The following KCNB2 variants were observed in gnomAD, a reference collection of about 807,000 sequenced individuals.
The protein encoded by KCNB2 is delayed rectifier potassium channel protein.
A neutral mutation model predicts 61.5 loss-of-function variants in KCNB2; 15 were observed. The ratio of observed to expected loss-of-function variants is 0.24; its 90% CI spans 0.16 to 0.38. The LOEUF (loss-of-function observed/expected upper bound fraction) is 0.38, where lower values mean the gene tolerates loss of function less well. Ranked by LOEUF, KCNB2 falls within the 10% of genes least tolerant of loss-of-function variation. The probability of loss-of-function intolerance (pLI) is 1.00; values close to 1 mark genes in which losing one functional copy is unlikely to be tolerated. For synonymous variants in KCNB2, 457 were observed against 446.0 expected, an observed-to-expected ratio of 1.02 and a Z score of -0.31; for missense variants, 828 against 1,125.2, an observed-to-expected ratio of 0.74 and a Z score of 3.78.
At chr8:72,626,451 A>G (rs182833209) in intron 2 of KCNB2, among the ~76,000 whole-genome samples, 92 of 152,372 alleles carry the variant, frequency 6.0e-4, no homozygotes, top group South Asian at 2.5e-3. Flanking sequence ...AATGTGTTAC[A>G]TGCAGCTAAA....
chr8:72,793,615 C>T (rs578019257), intron 2 of KCNB2, among the ~76,000 whole-genome samples: 1 of 152,264 alleles, frequency 6.6e-6, no homozygotes, highest in Admixed American at 6.5e-5. Flanking sequence ...TAGGCCCACC[C>T]CAGTCCATCA....
chr8:72,914,763 A>G (rs1806360869), intron 2 of KCNB2, among the ~76,000 whole-genome samples: 1 of 152,242 alleles, frequency 6.6e-6, no homozygotes, highest in Non-Finnish European at 1.5e-5. Context: ...ATTCATGAAT[A>G]TTACTGATTA....
intron 2 of KCNB2, among the ~76,000 whole-genome samples, chr8:72,790,197 AC>A (rs1808914416): frequency 6.6e-6 from 1 of 152,188 alleles, no homozygotes; most frequent in Non-Finnish European, 1.5e-5. Context: ...GTGATTTGGA[AC>A]CAATTATCCA....
intron 2 of KCNB2, among the ~76,000 whole-genome samples, chr8:72,884,852 T>A (rs1030625267): frequency 6.6e-6 from 1 of 152,222 alleles, no homozygotes; most frequent in African/African-American, 2.4e-5. Context: ...CTATCTTTTG[T>A]ATTTCAAAGT....
chr8:72,845,203 A>C (rs12547090), intron 2 of KCNB2, among the ~76,000 whole-genome samples: 129,802 of 152,200 alleles, frequency 0.85, 56,323 homozygotes, highest in Middle Eastern at 0.97. Context: ...CCTCTGCTGC[A>C]GGTCTGCTGT....
chr8:72,612,264 A>AT (rs1805554006), intron 2 of KCNB2, among the ~76,000 whole-genome samples: 1 of 152,224 alleles, frequency 6.6e-6, no homozygotes, highest in Non-Finnish European at 1.5e-5. Flanking sequence ...AAATCAAAGG[A>AT]TTGAACAATG....
At chr8:72,594,836 G>A (rs889941345) in intron 2 of KCNB2, among the ~76,000 whole-genome samples, 2 of 152,150 alleles carry the variant, frequency 1.3e-5, no homozygotes, top group African/African-American at 4.8e-5. Context: ...ATTTGAATAA[G>A]TAGTTTTAAA....
At chr8:72,568,445 C>T (rs1806661565) in intron 2 of KCNB2, 132 bp downstream of exon 2, 2 of 741,808 alleles carry the variant, frequency 2.7e-6, no homozygotes, top group African/African-American at 1.8e-5. Flanking sequence ...TGAAAAAATC[C>T]TTTCCAAAAT....
chr8:72,920,455 ATCTATCTATC>A (rs1806492483), intron 2 of KCNB2, among the ~76,000 whole-genome samples: 8 of 66,356 alleles, frequency 1.2e-4, no homozygotes, highest in South Asian at 8.6e-4. Flanking sequence ...CTATCTATCT[ATCTATCTATC>A]TATCTATCTA....
intron 2 of KCNB2, among the ~76,000 whole-genome samples, chr8:72,599,771 C>G (rs1269543781): frequency 6.6e-6 from 1 of 152,080 alleles, no homozygotes; most frequent in Non-Finnish European, 1.5e-5. Context: ...ACAACCCCAT[C>G]AAAAAGTGGG....
At chr8:72,690,038 T>C (rs200874179) in intron 2 of KCNB2, among the ~76,000 whole-genome samples, 1 of 148,614 alleles carries the variant, frequency 6.7e-6, no homozygotes. Flanking sequence ...GCCCTCGCCA[T>C]AAAAAAAAAA....
At chr8:72,554,862 G>C (rs1457085564) in intron 1 of KCNB2, among the ~76,000 whole-genome samples, 1 of 152,006 alleles carries the variant, frequency 6.6e-6, no homozygotes, top group Non-Finnish European at 1.5e-5. Flanking sequence ...CTATCCATAA[G>C]AGAATTGTAA....
chr8:72,866,214 A>T (rs1805515243), intron 2 of KCNB2, among the ~76,000 whole-genome samples: 1 of 152,176 alleles, frequency 6.6e-6, no homozygotes, highest in Admixed American at 6.5e-5. Context: ...CCTGGAACAC[A>T]CTCGCATTGC....
chr8:72,785,253 T>C (rs1188104565), intron 2 of KCNB2, among the ~76,000 whole-genome samples: 1 of 152,166 alleles, frequency 6.6e-6, no homozygotes, highest in African/African-American at 2.4e-5. Context: ...TAAATTGATA[T>C]GAGTTTAACT....
At chr8:72,907,388 C>A (rs1443759735) in intron 2 of KCNB2, among the ~76,000 whole-genome samples, 1 of 151,688 alleles carries the variant, frequency 6.6e-6, no homozygotes, top group African/African-American at 2.4e-5. Flanking sequence ...AAACAAAAAA[C>A]CACACTCACA....
rs565611385 is a variant in KCNB2 at position 72,781,918 on chromosome 8, A to G, written c.580-154017A>G. ...TAAGTGGGAGCTGAAAAATGAGAAC[A>G]CAGGGTCATAGGGAGGGGAACAACA... is the stretch of plus-strand genomic sequence containing the variant. On this transcript the variant is annotated intron_variant, in intron 2 of 2. Coordinates refer to ENST00000523207, the MANE Select transcript of KCNB2 (RefSeq NM_004770.3). Among the ~76,000 whole-genome samples, 48 of 152,208 alleles carry G rather than the reference A, an allele frequency of 3.2e-4. No individual in the cohort carries two copies. In the South Asian group the frequency reaches 7.7e-3, roughly 24 times the overall value.
intron 2 of KCNB2, chr8:72,661,401 G>A (rs1311000065): frequency 6.6e-6 from 1 of 152,164 alleles, no homozygotes; most frequent in Non-Finnish European, 1.5e-5. Context: ...ATTCTCTGAT[G>A]CATTTGTTAT....
intron 2 of KCNB2, among the ~76,000 whole-genome samples, chr8:72,593,304 A>G (rs1807130406): frequency 6.6e-6 from 1 of 152,232 alleles, no homozygotes; most frequent in Non-Finnish European, 1.5e-5. Flanking sequence ...AAAGACTTTT[A>G]TTAAATTCTT....
chr8:72,587,012 G>A (rs1807010624), intron 2 of KCNB2, among the ~76,000 whole-genome samples: 2 of 152,126 alleles, frequency 1.3e-5, no homozygotes, highest in Non-Finnish European at 2.9e-5. Context: ...CCTATTGATA[G>A]CAAAGATGAA....
Sources: gnomAD v4.1 joint callset for allele counts (sites outside exome capture counted in the v4.1 genomes callset) on GRCh38, gnomAD v4.1.1 for gene constraint, MANE v1.5 for transcripts, NCBI Gene and HGNC (gene_info 2026-07-23, HGNC 2026-07-21) for gene names.